Variants in PLEKHD1 observed in about 807,000 individuals in gnomAD.
PLEKHD1 encodes the protein pleckstrin homology domain-containing family D member 1.
In PLEKHD1, 51 loss-of-function variants were observed where a neutral mutation model predicts 69.2. The observed-to-expected ratio is 0.74, with a 90% CI of 0.59 to 0.93. The LOEUF is 0.93. Among genes scored for constraint, PLEKHD1 ranks in the 40% least tolerant of loss-of-function variants. The pLI, the probability that PLEKHD1 is intolerant of heterozygous loss-of-function variation, is 0.00. For missense variants in PLEKHD1, 584 were observed against 641.0 expected, an observed-to-expected ratio of 0.91 and a Z score of 0.96; for synonymous variants, 236 against 244.7, an observed-to-expected ratio of 0.96 and a Z score of 0.33.
chr14:69,503,342 A>G (rs1381644978), intron 6 of PLEKHD1: 3 of 191,886 alleles, frequency 1.6e-5, no homozygotes, highest in Non-Finnish European at 3.3e-5. Flanking sequence ...AGGGTAAAGG[A>G]GACTCTTGCC....
At position 69,526,781 on chromosome 14, in the gene PLEKHD1, G is replaced by A. The variant is rs766229765; in HGVS notation, c.1008G>A (p.Ser336=). Residue 336 remains serine (S), a synonymous_variant, in exon 10 of 13, where the codon TCG becomes TCA. Transcript: ENST00000322564. ...GCCAGTCCCAGGCACTGCAGAACTC[G>A]CTGCAGGAGCTGACGGCAGAGAAGC... ...YSSQSQALQN[S]LQELTAEKQQ... is the part of the protein sequence containing the mutation. 53 of 1,550,064 alleles carry A rather than the reference G, an allele frequency of 3.4e-5. No individual in the cohort carries two copies. Among genetic ancestry groups the A allele is most frequent in the Non-Finnish European group, 3.8e-5 (43 of 1,146,358 alleles).
Position 69,527,909 on chromosome 14 carries a change from G to A in PLEKHD1, c.1328G>A (p.Arg443Gln), listed in dbSNP as rs545252455. 4.4e-5 allele frequency: 68 copies of A among 1,551,556 alleles called. 1 individual carries two copies. The Middle Eastern group carries it at 6.7e-4, about 15-fold the overall frequency. ...AAGAGCTGCCGCTTCCACCGACGCC[G>A]GTCCAGCACCTCCTGGAATGACAGT... ...RIKSCRFHRR[R>Q]SSTSWNDMKP... is the part of the protein sequence containing the mutation. Residue 443 changes from arginine to glutamine, a missense_variant, in exon 12 of 13, where the codon CGG (arginine) becomes CAG (glutamine). Coordinates refer to ENST00000322564, the MANE Select transcript of PLEKHD1 (RefSeq NM_001161498.2).
intron 6 of PLEKHD1, 147 bp from the exon 7 acceptor site, chr14:69,522,136 G>A (rs1163652611): frequency 2.9e-6 from 2 of 685,490 alleles, no homozygotes; most frequent in African/African-American, 3.6e-5. Flanking sequence ...GGGGCCAGCG[G>A]GCCTTAGAAC....
chr14:69,526,896 C>A, intron 10 of PLEKHD1, 67 bp downstream of exon 10: 1 of 1,459,030 alleles, frequency 6.9e-7, no homozygotes, highest in Non-Finnish European at 9.1e-7. Context: ...CACCCCTGCA[C>A]TTTACCGGGT....
chr14:69,502,597 T>A (rs1883054111), intron 5 of PLEKHD1: 1 of 555,574 alleles, frequency 1.8e-6, no homozygotes, highest in East Asian at 3.1e-5. Flanking sequence ...CTTCCAAGGA[T>A]GAGGCCCCTC....
chr14:69,476,751 A>G, the PLEKHD1 span, among the ~76,000 whole-genome samples: 2 of 152,172 alleles, frequency 1.3e-5, no homozygotes, highest in Non-Finnish European at 2.9e-5. Context: ...GGCCAGGGGA[A>G]TGACTGTGAG....
chr14:69,527,308 C>T lies in PLEKHD1; in HGVS notation c.1177C>T (p.Arg393Trp), dbSNP rs371687649. The change falls in exon 11 of 13, where the codon CGG (arginine) becomes TGG (tryptophan). Residue 393 changes from arginine (R) to tryptophan (W), a missense_variant. Transcript: ENST00000322564. ...VRNKEKEERM[R>W]ADVSHLKRFF... ...GAATAAGGAGAAGGAGGAGAGGATG[C>T]GGGCTGATGTGAGCCATCTGAAAAG... 73 of 1,551,598 alleles carry T rather than the reference C, an allele frequency of 4.7e-5. No homozygotes were observed. Among genetic ancestry groups the T allele is most frequent in the Non-Finnish European group, 5.8e-5 (66 of 1,147,006 alleles).
the PLEKHD1 span, among the ~76,000 whole-genome samples, chr14:69,479,516 G>A: frequency 6.6e-6 from 1 of 152,114 alleles, no homozygotes; most frequent in Non-Finnish European, 1.5e-5. Context: ...AGTGAGAAAG[G>A]TGAATATGAG....
chr14:69,527,811 C>G lies in PLEKHD1; in HGVS notation c.1230C>G (p.Ala410=). The G allele has an allele frequency of 1.3e-6, 2 of 1,551,464 alleles. No individual in the cohort carries two copies. The highest frequency in any genetic ancestry group is 1.2e-5 in the South Asian group (1 of 84,064). The part of the protein sequence containing the change: ...KRFFEECIRN[A]ELEAKMPVIM... ...TCTTTGAGGAGTGCATCCGGAATGC[C>G]GAGCTGGAGGCCAAGATGCCTGTGA... The change falls in exon 12 of 13, where the codon GCC becomes GCG. Residue 410 remains alanine (A), a synonymous_variant. Coordinates refer to ENST00000322564, the MANE Select transcript of PLEKHD1 (RefSeq NM_001161498.2).
At chr14:69,502,728 T>A (rs1180575305) in intron 5 of PLEKHD1, 99 bp from the exon 6 acceptor site, 1 of 1,468,028 alleles carries the variant, frequency 6.8e-7, no homozygotes, top group African/African-American at 1.4e-5. Context: ...TGGGAGATGC[T>A]GGGGGTGACA....
At chr14:69,486,575 C>A (rs1387281894) in intron 1 of PLEKHD1, among the ~76,000 whole-genome samples, 1 of 151,570 alleles carries the variant, frequency 6.6e-6, no homozygotes, top group East Asian at 1.9e-4. Flanking sequence ...AGCAGAATAT[C>A]TCCCCCCACC....
chr14:69,504,656 T>A (rs1002492852), intron 6 of PLEKHD1, among the ~76,000 whole-genome samples: 1 of 152,242 alleles, frequency 6.6e-6, no homozygotes, highest in Non-Finnish European at 1.5e-5. Context: ...TATTGGTTAT[T>A]CTTGCTCATT....
intron 6 of PLEKHD1, 138 bp downstream of exon 6, chr14:69,503,017 G>A: frequency 1.1e-6 from 1 of 926,734 alleles, no homozygotes; most frequent in Non-Finnish European, 1.7e-6. Flanking sequence ...AGGCCAAATG[G>A]GATCACAGTG....
upstream of PLEKHD1, among the ~76,000 whole-genome samples, chr14:69,484,444 C>G (rs566884325): frequency 3.6e-3 from 553 of 152,240 alleles, 1 homozygote; most frequent in Middle Eastern, 0.017. Context: ...CGCTGCTCGC[C>G]GAGAGGGACC....
rs1882988654 is a variant in PLEKHD1, at chr14:69,500,096, T to C, written c.150-19T>C. The C allele has an allele frequency of 6.6e-7, 1 of 1,526,546 alleles. No individual in the cohort carries two copies. The highest frequency in any genetic ancestry group is 2.0e-5 in the Admixed American group (1 of 50,698). 94.6% of individuals were successfully genotyped at this position (1,526,546 alleles called of 1,614,324 possible). On this transcript the variant is annotated intron_variant, in intron 1 of 12. Transcript: ENST00000322564. Reference sequence around the variant, plus strand: ...CCCTTCTCTCCTGGTTGCTTTTCCTTCCCCACCGCCCACTATAGGTTTTTC... The same window carrying C: ...CCCTTCTCTCCTGGTTGCTTTTCCTCCCCCACCGCCCACTATAGGTTTTTC...
rs755635040 is a variant in PLEKHD1 at position 69,528,425 on chromosome 14, G to T, written c.*6G>T. On this transcript the variant is annotated 3_prime_UTR_variant, in exon 13 of 13. Transcript: ENST00000322564. Reference sequence around the variant, plus strand: ...TCTCCCGGGGTGGAAAGTGATGGGCGCTCCTCCCCTGCTTCCCAAGTCTCC... The same window carrying T: ...TCTCCCGGGGTGGAAAGTGATGGGCTCTCCTCCCCTGCTTCCCAAGTCTCC... 1 of 1,549,326 alleles carries T rather than the reference G, an allele frequency of 6.5e-7. No homozygotes were observed. Among genetic ancestry groups the T allele is most frequent in the Non-Finnish European group, 8.7e-7 (1 of 1,146,644 alleles).
chr14:69,502,719 G>A, intron 5 of PLEKHD1, 108 bp from the exon 6 acceptor site: 4 of 1,417,906 alleles, frequency 2.8e-6, no homozygotes, highest in Non-Finnish European at 3.9e-6. Context: ...CCCCTTCCTT[G>A]GGAGATGCTG....
intron 6 of PLEKHD1, among the ~76,000 whole-genome samples, chr14:69,508,454 C>T (rs1883200331): frequency 6.6e-6 from 1 of 152,050 alleles, no homozygotes; most frequent in Non-Finnish European, 1.5e-5. Flanking sequence ...CAGGGTCCCA[C>T]ACTGTCATCC....
chr14:69,477,742 A>G, the PLEKHD1 span, among the ~76,000 whole-genome samples: 1 of 152,252 alleles, frequency 6.6e-6, no homozygotes, highest in African/African-American at 2.4e-5. Context: ...TCTCGCATCC[A>G]GGTCACACTG....
Sources: allele counts gnomAD v4.1 joint callset (sites outside exome capture counted in the v4.1 genomes callset), GRCh38; gene constraint gnomAD v4.1.1; transcripts MANE v1.5; gene names NCBI Gene and HGNC (gene_info 2026-07-23, HGNC 2026-07-21).